Variants in TMPRSS13 observed in about 807,000 individuals in gnomAD.
TMPRSS13 encodes the protein transmembrane protease serine 13.
A neutral mutation model predicts 68.4 loss-of-function variants in TMPRSS13; 50 were observed. That is an observed-to-expected ratio of 0.73 (90% CI 0.58 to 0.93). TMPRSS13 has a LOEUF of 0.93. TMPRSS13 is among the 40% of genes least tolerant of loss of function. TMPRSS13 has a pLI of 0.00. For synonymous variants in TMPRSS13, 267 were observed against 285.8 expected (o/e 0.93, Z 0.66); for missense variants, 615 against 729.2 (o/e 0.84, Z 1.80).
In TMPRSS13 at chr11:117,911,877, G is replaced by A. The variant is rs759423923; in HGVS notation, c.810-17C>T. 6.2e-7 allele frequency: 1 copy of A among 1,609,368 alleles called. No homozygotes were observed. Among genetic ancestry groups the A allele is most frequent in the South Asian group, 1.1e-5 (1 of 90,920 alleles). On this transcript the variant is annotated splice_polypyrimidine_tract_variant and intron_variant, in intron 5 of 12. Transcript: ENST00000524993. ...CGGTGAGCACTACAAGGGAGCAGAG[G>A]GGAGAAGAATGAGCCCCCTGGAGAC...
intron 12 of TMPRSS13, 76 bp downstream of exon 12, chr11:117,903,579 T>G: frequency 6.2e-7 from 1 of 1,607,334 alleles, no homozygotes; most frequent in Non-Finnish European, 8.5e-7. Flanking sequence ...GCCTACAACC[T>G]GGGTGCTCCT....
rs779928067 is a variant in TMPRSS13 at position 117,909,801 on chromosome 11, C to G, written c.1109+5G>C. 1 of 1,607,770 alleles carries G rather than the reference C, an allele frequency of 6.2e-7. No homozygotes were observed. The highest frequency in any genetic ancestry group is 8.5e-7 in the Non-Finnish European group (1 of 1,177,574). On this transcript the variant is annotated splice_donor_5th_base_variant and intron_variant, in intron 8 of 12. Transcript: ENST00000524993. ...TGTCAAATCACCTGCCTCTCAGGCA[C>G]TTACACGAAGAAGCAGTGGGCGGCA... is the stretch of plus-strand genomic sequence containing the variant.
At chr11:117,923,421 A>G (rs1042056535) in intron 1 of TMPRSS13, among the ~76,000 whole-genome samples, 2 of 146,960 alleles carry the variant, frequency 1.4e-5, no homozygotes, top group Admixed American at 6.6e-5. Context: ...GGGCCCAGCC[A>G]GTGAGAGAGG....
At chr11:117,916,448 T>C (rs1163369207) in intron 3 of TMPRSS13, among the ~76,000 whole-genome samples, 1 of 152,242 alleles carries the variant, frequency 6.6e-6, no homozygotes, top group African/African-American at 2.4e-5. Flanking sequence ...CCCCTCCTCA[T>C]AGTCACACTC....
chr11:117,911,212 C>G (rs1472126795), intron 6 of TMPRSS13, among the ~76,000 whole-genome samples: 1 of 152,174 alleles, frequency 6.6e-6, no homozygotes, highest in Admixed American at 6.5e-5. Context: ...TTCTTCTCTC[C>G]CCTCCGTAGG....
At chr11:117,928,546 G>A (rs1251917667) in intron 1 of TMPRSS13, among the ~76,000 whole-genome samples, 1 of 152,174 alleles carries the variant, frequency 6.6e-6, no homozygotes, top group Non-Finnish European at 1.5e-5. Flanking sequence ...AAGGAGAAAT[G>A]AGAGCACAAA....
At chr11:117,921,400 C>G (rs1469014550) in intron 1 of TMPRSS13, among the ~76,000 whole-genome samples, 3 of 152,220 alleles carry the variant, frequency 2.0e-5, no homozygotes, top group Admixed American at 1.3e-4. Context: ...ACCTCACCCC[C>G]TGAATGAGCT....
In TMPRSS13 at chr11:117,915,687, T is replaced by C. The variant is rs142625136; in HGVS notation, c.557-1173A>G. On this transcript the variant is annotated intron_variant, in intron 3 of 12. Transcript: ENST00000524993. The surrounding 1 kb of genome is among the most constrained non-coding windows in gnomAD (Gnocchi z 4.9). ...ACAAGTCAAGCCACCTCCTTAGCCC[T>C]GGAGGTCTAGAGGCCTCCCTGGCAG... 0.013 allele frequency among the ~76,000 whole-genome samples: 1,922 copies of C among 152,334 alleles called. 35 individuals are homozygous for C. Among genetic ancestry groups the C allele is most frequent in the African/African-American group, 0.044 (1,823 of 41,574 alleles).
chr11:117,925,759 A>G (rs1173413594), intron 1 of TMPRSS13, among the ~76,000 whole-genome samples: 3 of 152,218 alleles, frequency 2.0e-5, no homozygotes, highest in Non-Finnish European at 4.4e-5. Flanking sequence ...TTGCTATACC[A>G]AGAGGAATCT....
intron 6 of TMPRSS13, 82 bp downstream of exon 6, chr11:117,911,686 A>G: frequency 8.9e-7 from 1 of 1,124,056 alleles, no homozygotes; most frequent in Non-Finnish European, 1.3e-6. Context: ...AAGCCAGTGA[A>G]GGGGGCTCCC....
chr11:117,920,325 G>A (rs1160487069), intron 1 of TMPRSS13, among the ~76,000 whole-genome samples: 1 of 82,304 alleles, frequency 1.2e-5, no homozygotes, highest in East Asian at 3.1e-4. Flanking sequence ...GTGATGGAGG[G>A]GTTTTGTTTG....
chr11:117,924,987 C>T (rs1243728034), intron 1 of TMPRSS13, among the ~76,000 whole-genome samples: 5 of 152,212 alleles, frequency 3.3e-5, no homozygotes. Context: ...GGGAGCCTCG[C>T]TTCTGCTCCT....
At chr11:117,911,693 T>C in intron 6 of TMPRSS13, 75 bp downstream of exon 6, 1 of 1,212,288 alleles carries the variant, frequency 8.2e-7, no homozygotes, top group Non-Finnish European at 1.2e-6. Flanking sequence ...TGAAGGGGGC[T>C]CCCTGACTCA....
rs975529653 is a variant in TMPRSS13 at position 117,917,437 on chromosome 11, T to C, written c.452-163A>G. 1.4e-4 allele frequency among the ~76,000 whole-genome samples: 22 copies of C among 152,160 alleles called. 1 individual carries two copies. The highest frequency in any genetic ancestry group is 6.2e-4 in the South Asian group (3 of 4,832). On this transcript the variant is annotated intron_variant, in intron 2 of 12. Transcript: ENST00000524993. ...TGGGGCTCAAAGTCAATTGAATGAATGAATGAATTTTGTCCCATCTGAAAA... is the reference window on the plus strand; with the variant it reads ...TGGGGCTCAAAGTCAATTGAATGAACGAATGAATTTTGTCCCATCTGAAAA...
chr11:117,910,154 G>A lies in TMPRSS13; in HGVS notation c.947-186C>T, dbSNP rs550456999. Among the ~76,000 whole-genome samples the A allele has an allele frequency of 4.6e-5, 7 of 152,300 alleles. No individual in the cohort carries two copies. The East Asian group carries it at 1.4e-3, about 29-fold the overall frequency. ...ATCTGCTACACACAGCAGTTTCTGT[G>A]AGAGCAGAGCCACCACATGGTGGGG... On this transcript the variant is annotated intron_variant, in intron 7 of 12. Coordinates refer to ENST00000524993, the MANE Select transcript of TMPRSS13 (RefSeq NM_001077263.3).
In TMPRSS13 at chr11:117,914,458, G is replaced by T; in HGVS notation, c.613C>A (p.Pro205Thr). The change falls in exon 4 of 13, where the codon CCC becomes ACC. Residue 205 changes from proline (P) to threonine (T), a missense_variant. By Grantham distance (38) the Pro-to-Thr change is conservative (BLOSUM62 -1). Coordinates refer to ENST00000524993, the MANE Select transcript of TMPRSS13 (RefSeq NM_001077263.3). The surrounding 1 kb of genome is among the most constrained non-coding windows in gnomAD (Gnocchi z 4.2). The part of the protein sequence containing the change: ...IRYKEQRESC[P>T]KHAVRCDGVV... ...CCGTCACAGCGAACAGCGTGCTTGGGACAGCTCTCCCTCTGCTCCTTGTAC... is the reference window on the plus strand; with the variant it reads ...CCGTCACAGCGAACAGCGTGCTTGGTACAGCTCTCCCTCTGCTCCTTGTAC... 6.2e-7 allele frequency: 1 copy of T among 1,614,052 alleles called. No homozygotes were observed. The highest frequency in any genetic ancestry group is 1.1e-5 in the South Asian group (1 of 91,072).
In TMPRSS13 at chr11:117,922,475, G is replaced by A. The variant is rs947662636; in HGVS notation, c.22-3637C>T. ...GTCTCGATCTCTTGATCTTGCGCCCGCCTCAGCCTCCCAAAGTGCTGGGAT... is the reference window on the plus strand; with the variant it reads ...GTCTCGATCTCTTGATCTTGCGCCCACCTCAGCCTCCCAAAGTGCTGGGAT... On this transcript the variant is annotated intron_variant, in intron 1 of 12. Coordinates refer to ENST00000524993, the MANE Select transcript of TMPRSS13 (RefSeq NM_001077263.3). The surrounding 1 kb of genome is among the most constrained non-coding windows in gnomAD (Gnocchi z 4.2). 2.6e-5 allele frequency among the ~76,000 whole-genome samples: 4 copies of A among 152,100 alleles called. No individual in the cohort carries two copies. The highest frequency in any genetic ancestry group is 1.5e-5 in the Non-Finnish European group (1 of 68,032).
chr11:117,911,730 C>T (rs1312118247), intron 6 of TMPRSS13, 38 bp downstream of exon 6: 11 of 1,573,452 alleles, frequency 7.0e-6, no homozygotes, highest in Non-Finnish European at 8.7e-6. Context: ...CACTCCTTCC[C>T]CTGCTCACAA....
intron 9 of TMPRSS13, chr11:117,907,376 G>C: frequency 6.8e-6 from 1 of 147,632 alleles, no homozygotes; most frequent in East Asian, 2.1e-4. Context: ...CGTGGTTCTG[G>C]GCTAGCGCTG....
Sources: allele counts gnomAD v4.1 joint callset (sites outside exome capture counted in the v4.1 genomes callset), GRCh38; gene constraint gnomAD v4.1.1; non-coding constraint Gnocchi (gnomAD v3.1); transcripts MANE v1.5; gene names NCBI Gene and HGNC (gene_info 2026-07-23, HGNC 2026-07-21).